EMCN: variants seen among roughly 807,000 people sequenced by gnomAD.
The protein encoded by EMCN is MUC-14.
EMCN carries 37 observed loss-of-function variants against 38.4 expected under a neutral mutation model. The ratio of observed to expected loss-of-function variants is 0.96; its 90% CI spans 0.74 to 1.27. The LOEUF (loss-of-function observed/expected upper bound fraction) is 1.27. Ranked by LOEUF, EMCN falls within the 50% of genes most tolerant of loss-of-function variation. The pLI, the probability that EMCN is intolerant of heterozygous loss-of-function variation, is 0.00. For missense variants in EMCN, 318 were observed against 302.8 expected (o/e 1.05, Z -0.37); for synonymous variants, 95 against 100.8 (o/e 0.94, Z 0.35).
At chr4:100,399,632 G>C (rs566394496) in intron 11 of EMCN, among the ~76,000 whole-genome samples, 15 of 152,230 alleles carry the variant, frequency 9.9e-5, no homozygotes, top group African/African-American at 3.6e-4. Context: ...TATAGCTTAA[G>C]TACCATGATT....
At chr4:100,425,703 T>C in intron 5 of EMCN, among the ~76,000 whole-genome samples, 1 of 151,892 alleles carries the variant, frequency 6.6e-6, no homozygotes, top group African/African-American at 2.4e-5. Context: ...TCTTATATTA[T>C]GATTATTCCC....
intron 5 of EMCN, among the ~76,000 whole-genome samples, chr4:100,427,455 T>C (rs1036049259): frequency 9.5e-5 from 14 of 146,704 alleles, no homozygotes; most frequent in Non-Finnish European, 2.1e-4. Context: ...CTCTCTCTCT[T>C]TTTTTTTTTT....
intron 4 of EMCN, among the ~76,000 whole-genome samples, chr4:100,458,547 AT>A: frequency 6.6e-6 from 1 of 152,294 alleles, no homozygotes; most frequent in South Asian, 2.1e-4. Flanking sequence ...CTTTTGATAA[AT>A]TTTTATAAGT....
chr4:100,436,741 C>T (rs369606644), intron 5 of EMCN, among the ~76,000 whole-genome samples: 4 of 152,234 alleles, frequency 2.6e-5, no homozygotes, highest in African/African-American at 9.6e-5. Flanking sequence ...AGCCATTATC[C>T]TCAGCAAACG....
chr4:100,498,563 C>T (rs1007565181), intron 1 of EMCN, among the ~76,000 whole-genome samples: 1 of 151,782 alleles, frequency 6.6e-6, no homozygotes, highest in Admixed American at 6.6e-5. Flanking sequence ...CTCACTGCAA[C>T]CTCCACCTCC....
rs572514608 is a variant in EMCN, at chr4:100,507,384, T to G, written c.64+10467A>C. 3.3e-5 allele frequency among the ~76,000 whole-genome samples: 5 copies of G among 152,270 alleles called. No homozygotes were observed. The South Asian group carries it at 1.0e-3, about 32-fold the overall frequency. On this transcript the variant is annotated intron_variant, in intron 1 of 11. Coordinates refer to ENST00000296420, the MANE Select transcript of EMCN (RefSeq NM_016242.4). ...TAGTACAAGCAAAAAATAATAATAA[T>G]AATTTAGATTAAATTTATACCAATA...
chr4:100,446,260 AAAT>A, intron 5 of EMCN: 1 of 912,562 alleles, frequency 1.1e-6, no homozygotes, highest in Non-Finnish European at 1.3e-6. Flanking sequence ...ATGAAGATGG[AAAT>A]AATAAAAAAT....
In EMCN at chr4:100,410,282, G is replaced by T; in HGVS notation, c.*39C>A. ...CCGTGAATGAAATTGGGAAACTTACGTAATTATTGCCTAGGTGTGGAGAGA... is the reference window on the plus strand; with the variant it reads ...CCGTGAATGAAATTGGGAAACTTACTTAATTATTGCCTAGGTGTGGAGAGA... On this transcript the variant is annotated splice_region_variant and 3_prime_UTR_variant, in exon 11 of 12. Coordinates refer to ENST00000296420, the MANE Select transcript of EMCN (RefSeq NM_016242.4). The T allele has an allele frequency of 6.3e-7, 1 of 1,596,330 alleles. No homozygotes were observed. Among genetic ancestry groups the T allele is most frequent in the Non-Finnish European group, 8.6e-7 (1 of 1,164,018 alleles).
intron 4 of EMCN, among the ~76,000 whole-genome samples, chr4:100,450,751 T>C (rs949708524): frequency 6.6e-6 from 1 of 151,864 alleles, no homozygotes; most frequent in African/African-American, 2.4e-5. Flanking sequence ...ATATGAGAAA[T>C]GTTATAACTA....
In EMCN at chr4:100,501,335, T is replaced by A. The variant is rs547008440; in HGVS notation, c.64+16516A>T. 2.0e-5 allele frequency among the ~76,000 whole-genome samples: 3 copies of A among 152,140 alleles called. No individual in the cohort carries two copies. The South Asian group carries it at 6.2e-4, about 32-fold the overall frequency. On this transcript the variant is annotated intron_variant, in intron 1 of 11. Transcript: ENST00000296420. ...TACTCACTGCTCCGTTATACCATCT[T>A]TGTTTTATATCAAAGACCTATATAT...
intron 4 of EMCN, among the ~76,000 whole-genome samples, chr4:100,460,377 T>C (rs960306373): frequency 6.6e-6 from 1 of 152,160 alleles, no homozygotes; most frequent in Non-Finnish European, 1.5e-5. Context: ...TTTATAGGTG[T>C]ATTAGTCTGT....
intron 5 of EMCN, among the ~76,000 whole-genome samples, chr4:100,438,920 A>G (rs1004210457): frequency 1.3e-5 from 2 of 152,070 alleles, no homozygotes; most frequent in East Asian, 3.8e-4. Flanking sequence ...AGCCTTGCAT[A>G]TCAGAAATAA....
In EMCN at chr4:100,415,912, A is replaced by G. The variant is rs751552557; in HGVS notation, c.737T>C (p.Ile246Thr). 1 of 1,586,886 alleles carries G rather than the reference A, an allele frequency of 6.3e-7. No homozygotes were observed. The highest frequency in any genetic ancestry group is 8.6e-7 in the Non-Finnish European group (1 of 1,169,400). The change falls in exon 10 of 12, where the codon ATT becomes ACT. Residue 246 changes from isoleucine to threonine, a missense_variant. By Grantham distance (89) the Ile-to-Thr change is moderately conservative. Transcript: ENST00000296420. ...TGGAAACTTACCAGACTCATGAGAA[A>G]TTGTCTTAACGGTAAGAAGCTTCAC... is the stretch of plus-strand genomic sequence containing the variant. Reference protein sequence around the residue: ...ESVKLLTVKTISHESGEHSAQ... With the variant: ...ESVKLLTVKTTSHESGEHSAQ...
intron 1 of EMCN, among the ~76,000 whole-genome samples, chr4:100,491,760 A>G (rs1019635902): frequency 3.3e-5 from 5 of 152,336 alleles, no homozygotes; most frequent in African/African-American, 1.2e-4. Context: ...GCCACATAGC[A>G]GAGCCCAGCC....
chr4:100,415,323 C>G (rs528978197), intron 10 of EMCN, among the ~76,000 whole-genome samples: 1 of 152,256 alleles, frequency 6.6e-6, no homozygotes, highest in South Asian at 2.1e-4. Context: ...CTATCTAGCA[C>G]CACATTTTTT....
At chr4:100,421,224 G>A (rs1726877407) in intron 8 of EMCN, 58 bp downstream of exon 8, 1 of 1,388,584 alleles carries the variant, frequency 7.2e-7, no homozygotes, top group Non-Finnish European at 1.0e-6. Flanking sequence ...TTAAAATCAA[G>A]TTTAAACTGA....
chr4:100,517,757 G>A (rs1729796763), intron 1 of EMCN, 94 bp downstream of exon 1: 1 of 1,107,812 alleles, frequency 9.0e-7, no homozygotes, highest in Middle Eastern at 2.0e-4. Flanking sequence ...CTGCATCTAA[G>A]TGTCAGGGGA....
chr4:100,430,619 C>A (rs1045361346), intron 5 of EMCN, among the ~76,000 whole-genome samples: 2 of 152,128 alleles, frequency 1.3e-5, no homozygotes, highest in Non-Finnish European at 2.9e-5. Flanking sequence ...GATTGCTGGG[C>A]AGCTCACCAG....
At chr4:100,479,476 G>T (rs1405528237) in intron 2 of EMCN, among the ~76,000 whole-genome samples, 4 of 152,082 alleles carry the variant, frequency 2.6e-5, no homozygotes, top group Admixed American at 1.3e-4. Context: ...CAACAATAAT[G>T]ATTACATTGC....
Sources: allele counts gnomAD v4.1 joint callset (sites outside exome capture counted in the v4.1 genomes callset), GRCh38; gene constraint gnomAD v4.1.1; transcripts MANE v1.5; gene names NCBI Gene and HGNC (gene_info 2026-07-23, HGNC 2026-07-21).